The following PARD3B variants were observed in gnomAD, a reference collection of about 807,000 sequenced individuals.
PARD3B encodes the protein par-3 family cell polarity regulator beta.
Under a neutral mutation model 130.2 loss-of-function variants are expected in PARD3B, and 103 were observed. That is an observed-to-expected ratio of 0.79 (90% confidence interval 0.67 to 0.93). The LOEUF is 0.93. PARD3B is among the 40% of genes least tolerant of loss of function. The pLI is 0.00. For synonymous variants in PARD3B, 583 were observed against 553.2 expected (o/e 1.05, Z -0.76); for missense variants, 1,609 against 1,499.2 (o/e 1.07, Z -1.21).
chr2:205,093,700 C>A (rs901155311), intron 4 of PARD3B, among the ~76,000 whole-genome samples: 1 of 152,158 alleles, frequency 6.6e-6, no homozygotes, highest in Non-Finnish European at 1.5e-5. Context: ...TACATTTTAG[C>A]TATTGATAAC....
At chr2:205,149,171 A>G (rs1368063273) in intron 10 of PARD3B, among the ~76,000 whole-genome samples, 4 of 152,200 alleles carry the variant, frequency 2.6e-5, no homozygotes, top group Admixed American at 2.0e-4. Context: ...TCTTCCTCTC[A>G]TGCCAAGTAA....
At chr2:205,194,950 A>ATTTTTTTTTTTTTTT (rs56836818) in intron 15 of PARD3B, among the ~76,000 whole-genome samples, 5 of 111,224 alleles carry the variant, frequency 4.5e-5, no homozygotes, top group Non-Finnish European at 5.2e-5. Flanking sequence ...CGCCAGGCTA[A>ATTTTTTTTTTTTTTT]TTTTTTTTTT....
chr2:205,001,447 T>C (rs1293653549), intron 3 of PARD3B, among the ~76,000 whole-genome samples: 1 of 152,226 alleles, frequency 6.6e-6, no homozygotes, highest in Non-Finnish European at 1.5e-5. Context: ...ACAGCATTTA[T>C]TTCCTTTTCA....
Position 205,463,908 on chromosome 2 carries a change from G to A in PARD3B, c.3044+23236G>A, listed in dbSNP as rs1267694587. ...GAGTAGGAAAATGGACTAGAAAAGT[G>A]TTTTATTGAAGGGATCTTCACTAAA... On this transcript the variant is annotated intron_variant, in intron 20 of 22. Coordinates refer to ENST00000406610, the MANE Select transcript of PARD3B (RefSeq NM_001302769.2). The surrounding 1 kb of genome is among the most constrained non-coding windows in gnomAD (Gnocchi z 4.8). 6.6e-6 allele frequency among the ~76,000 whole-genome samples: 1 copy of A among 152,168 alleles called. No homozygotes were observed. Among genetic ancestry groups the A allele is most frequent in the African/African-American group, 2.4e-5 (1 of 41,442 alleles).
At chr2:205,336,821 T>A (rs2043329543) in intron 18 of PARD3B, among the ~76,000 whole-genome samples, 1 of 152,178 alleles carries the variant, frequency 6.6e-6, no homozygotes, top group Non-Finnish European at 1.5e-5. Context: ...ATGGCCACTT[T>A]TAAGAACCAA....
At chr2:205,059,650 G>C (rs944422584) in intron 4 of PARD3B, among the ~76,000 whole-genome samples, 1 of 152,124 alleles carries the variant, frequency 6.6e-6, no homozygotes. Context: ...CTAGAAACTT[G>C]TAGGTGGCTT....
chr2:205,586,552 G>A (rs1331597536), intron 22 of PARD3B, among the ~76,000 whole-genome samples: 5 of 152,044 alleles, frequency 3.3e-5, no homozygotes, highest in African/African-American at 1.2e-4. Flanking sequence ...AGTGGAAAAT[G>A]TTCTGTCTCC....
chr2:204,984,893 C>T (rs1436569917), intron 3 of PARD3B, among the ~76,000 whole-genome samples: 1 of 152,048 alleles, frequency 6.6e-6, no homozygotes, highest in East Asian at 1.9e-4. Flanking sequence ...TACTGCTCAC[C>T]TTTGTTCCAC....
At chr2:204,839,831 A>G (rs1019621088) in intron 2 of PARD3B, among the ~76,000 whole-genome samples, 2 of 152,188 alleles carry the variant, frequency 1.3e-5, no homozygotes, top group African/African-American at 4.8e-5. Context: ...AAGATTTGTC[A>G]TAGAAGTTTA....
chr2:204,592,076 C>T (rs558813844), intron 1 of PARD3B, among the ~76,000 whole-genome samples: 3 of 152,354 alleles, frequency 2.0e-5, no homozygotes, highest in African/African-American at 7.2e-5. Flanking sequence ...GGTATGGTTG[C>T]AATGCAGACC....
chr2:205,248,314 C>G (rs2039658365), intron 16 of PARD3B, among the ~76,000 whole-genome samples: 2 of 151,338 alleles, frequency 1.3e-5, no homozygotes, highest in Admixed American at 6.6e-5. Context: ...CAGGAACTCA[C>G]CCCTCACATA....
chr2:205,551,233 A>G (rs2052632742), intron 21 of PARD3B, among the ~76,000 whole-genome samples: 1 of 151,928 alleles, frequency 6.6e-6, no homozygotes, highest in South Asian at 2.1e-4. Flanking sequence ...AACCTTCAGC[A>G]TAGTATTGAT....
intron 2 of PARD3B, among the ~76,000 whole-genome samples, chr2:204,963,316 A>G (rs1365484944): frequency 4.6e-5 from 7 of 152,226 alleles, no homozygotes; most frequent in Non-Finnish European, 7.4e-5. Flanking sequence ...CTTACGAGTT[A>G]TCACTTTTAA....
intron 2 of PARD3B, among the ~76,000 whole-genome samples, chr2:204,929,462 G>C (rs1373613565): frequency 6.6e-6 from 1 of 152,048 alleles, no homozygotes; most frequent in African/African-American, 2.4e-5. Context: ...TTTGTAAATT[G>C]ATAACAAAAT....
At chr2:205,063,490 A>G (rs1212957103) in intron 4 of PARD3B, among the ~76,000 whole-genome samples, 1 of 152,174 alleles carries the variant, frequency 6.6e-6, no homozygotes, top group Non-Finnish European at 1.5e-5. Flanking sequence ...TTCAGGTCAC[A>G]GGAGGCAACC....
chr2:205,214,506 C>T (rs1263354394), intron 15 of PARD3B, among the ~76,000 whole-genome samples: 1 of 151,176 alleles, frequency 6.6e-6, no homozygotes, highest in Admixed American at 6.6e-5. Flanking sequence ...AAAAAAAAAT[C>T]CTGACTCAAA....
At chr2:205,361,322 A>C (rs1330844441) in intron 18 of PARD3B, among the ~76,000 whole-genome samples, 1 of 152,182 alleles carries the variant, frequency 6.6e-6, no homozygotes, top group East Asian at 1.9e-4. Context: ...TAATGTCATT[A>C]TGCCATACCT....
At chr2:204,721,873 C>T (rs1306649748) in intron 2 of PARD3B, among the ~76,000 whole-genome samples, 1 of 152,010 alleles carries the variant, frequency 6.6e-6, no homozygotes, top group African/African-American at 2.4e-5. Flanking sequence ...CCACTTTTAA[C>T]AGTGATTTTG....
chr2:204,957,071 T>A (rs1690304070), intron 2 of PARD3B, among the ~76,000 whole-genome samples: 1 of 152,088 alleles, frequency 6.6e-6, no homozygotes, highest in Non-Finnish European at 1.5e-5. Context: ...GTTTAATGAA[T>A]CATGAGTGAT....
Sources: gnomAD v4.1 joint callset for allele counts (sites outside exome capture counted in the v4.1 genomes callset) on GRCh38, gnomAD v4.1.1 for gene constraint, Gnocchi (gnomAD v3.1) non-coding constraint, MANE v1.5 for transcripts, NCBI Gene and HGNC (gene_info 2026-07-23, HGNC 2026-07-21) for gene names.